COL22A1: variants seen among roughly 807,000 people sequenced by gnomAD.
COL22A1 encodes collagen alpha-1(XXII) chain.
A neutral mutation model predicts 248.9 loss-of-function variants in COL22A1; 221 were observed. The ratio of observed to expected loss-of-function variants is 0.89; its 90% confidence interval spans 0.80 to 0.99. COL22A1 has a LOEUF of 0.99. Among genes scored for constraint, COL22A1 ranks in the 50% least tolerant of loss-of-function variants. COL22A1 has a pLI of 0.00. For synonymous variants in COL22A1, 891 were observed against 793.4 expected (o/e 1.12, Z -2.07); for missense variants, 2,240 against 2,179.0 (o/e 1.03, Z -0.56).
chr8:138,626,445 C>T (rs1820245665), intron 50 of COL22A1, among the ~76,000 whole-genome samples: 1 of 152,232 alleles, frequency 6.6e-6, no homozygotes, highest in African/African-American at 2.4e-5. Flanking sequence ...ATAGCCACCC[C>T]TGTTGGTACA....
At chr8:138,679,412 G>T (rs1184940536) in intron 40 of COL22A1, among the ~76,000 whole-genome samples, 1 of 152,122 alleles carries the variant, frequency 6.6e-6, no homozygotes, top group African/African-American at 2.4e-5. Flanking sequence ...AACCTAGTTT[G>T]TATGCTTCCA....
chr8:138,775,891 G>C, intron 16 of COL22A1, 75 bp downstream of exon 16: 1 of 1,357,152 alleles, frequency 7.4e-7, no homozygotes, highest in Non-Finnish European at 1.1e-6. Flanking sequence ...AGCATACACA[G>C]AGCAGATGGT....
intron 62 of COL22A1, among the ~76,000 whole-genome samples, chr8:138,596,637 T>G (rs1257647043): frequency 6.6e-6 from 1 of 152,198 alleles, no homozygotes; most frequent in Non-Finnish European, 1.5e-5. Context: ...AATAAATGAT[T>G]GATCATAGCA....
At chr8:138,722,004 C>T (rs1184167887) in intron 26 of COL22A1, 32 bp downstream of exon 26, 11 of 1,548,320 alleles carry the variant, frequency 7.1e-6, no homozygotes, top group Admixed American at 1.9e-5. Context: ...TTTTGGGTTC[C>T]CAAACTGGTG....
intron 42 of COL22A1, 100 bp downstream of exon 42, chr8:138,663,605 G>A (rs974175637): frequency 8.9e-6 from 8 of 896,260 alleles, no homozygotes; most frequent in Non-Finnish European, 1.5e-5. Flanking sequence ...GGAAATTTCA[G>A]AATCTACTTC....
At position 138,877,873 on chromosome 8, in the gene COL22A1, C is replaced by G. The variant is rs779147504; in HGVS notation, c.535G>C (p.Glu179Gln). ...GIRIFAVGVG[E>Q]ALKEELEEIA... ...TCCTCCAGCTCCTCCTTGAGTGCCT[C>G]GCCCACGCCCACGGCAAAGATGCGG... is the stretch of plus-strand genomic sequence containing the variant. Residue 179 changes from glutamate (E) to glutamine (Q), a missense_variant, in exon 3 of 65, where the codon GAG becomes CAG. By Grantham distance (29) the Glu-to-Gln change is conservative (BLOSUM62 2). Coordinates refer to ENST00000303045, the MANE Select transcript of COL22A1 (RefSeq NM_152888.3). 2 of 1,612,940 alleles carry G rather than the reference C, an allele frequency of 1.2e-6. No individual in the cohort carries two copies. The highest frequency in any genetic ancestry group is 1.7e-6 in the Non-Finnish European group (2 of 1,179,630).
chr8:138,618,066 C>CCAA (rs576000030), intron 53 of COL22A1, among the ~76,000 whole-genome samples: 93 of 152,280 alleles, frequency 6.1e-4, no homozygotes, highest in African/African-American at 2.0e-3. Context: ...GACAAAAGCA[C>CCAA]CAACTGAGAG....
intron 62 of COL22A1, among the ~76,000 whole-genome samples, chr8:138,595,511 A>G (rs536816531): frequency 4.5e-4 from 68 of 152,204 alleles, no homozygotes; most frequent in Non-Finnish European, 8.5e-4. Context: ...TCAGAACACC[A>G]CCCACCCATG....
chr8:138,890,474 G>A (rs939130650), intron 1 of COL22A1, among the ~76,000 whole-genome samples: 6 of 151,982 alleles, frequency 3.9e-5, no homozygotes, highest in East Asian at 3.9e-4. Flanking sequence ...TTAGGGATGG[G>A]GATTCACTCT....
chr8:138,596,833 T>G (rs1382649829), intron 62 of COL22A1, 71 bp downstream of exon 62: 1 of 1,433,822 alleles, frequency 7.0e-7, no homozygotes, highest in Non-Finnish European at 9.8e-7. Flanking sequence ...TGCAAAAGCA[T>G]TCAAGGCTGA....
At position 138,725,358 on chromosome 8, in the gene COL22A1, C is replaced by A. The variant is rs778480496; in HGVS notation, c.2193+29G>T. ...AGGCCAGGAAACCACCATCTAAGAG[C>A]CCCTGTAGAAAATCAAAGCCAGTCT... On this transcript the variant is annotated intron_variant, in intron 24 of 64. Transcript: ENST00000303045. The A allele has an allele frequency of 3.7e-6, 6 of 1,611,296 alleles. No individual in the cohort carries two copies. In the South Asian group the frequency reaches 5.5e-5, roughly 15 times the overall value.
At chr8:138,862,042 AAAAAAG>A (rs1332018416) in intron 3 of COL22A1, among the ~76,000 whole-genome samples, 19 of 147,406 alleles carry the variant, frequency 1.3e-4, no homozygotes, top group South Asian at 1.1e-3. Flanking sequence ...AAAAAAAAAA[AAAAAAG>A]AAAAAAAGAA....
chr8:138,702,569 G>A (rs1314623006), intron 31 of COL22A1, among the ~76,000 whole-genome samples: 1 of 151,150 alleles, frequency 6.6e-6, no homozygotes, highest in Non-Finnish European at 1.5e-5. Context: ...GAAATCAGCT[G>A]GTCAAAACAG....
At chr8:138,657,967 T>C (rs552993153) in intron 44 of COL22A1, among the ~76,000 whole-genome samples, 2 of 152,262 alleles carry the variant, frequency 1.3e-5, no homozygotes, top group South Asian at 4.2e-4. Flanking sequence ...TACTGTTTTT[T>C]TCCCCTGTCA....
intron 22 of COL22A1, among the ~76,000 whole-genome samples, chr8:138,743,319 T>C (rs1218984142): frequency 1.3e-5 from 2 of 151,908 alleles, no homozygotes; most frequent in Non-Finnish European, 2.9e-5. Context: ...ATGAGGGTGA[T>C]GGTGGTAGTG....
At chr8:138,804,267 G>C (rs549353710) in intron 10 of COL22A1, among the ~76,000 whole-genome samples, 1 of 152,224 alleles carries the variant, frequency 6.6e-6, no homozygotes, top group African/African-American at 2.4e-5. Context: ...TTTGACTCAG[G>C]GTCCTAACCA....
intron 21 of COL22A1, 33 bp downstream of exon 21, chr8:138,755,124 G>A: frequency 6.2e-7 from 1 of 1,611,472 alleles, no homozygotes; most frequent in Non-Finnish European, 8.5e-7. Context: ...GAAGCGTGCA[G>A]AGCAAACCCT....
At chr8:138,796,937 G>A in intron 11 of COL22A1, 80 bp from the exon 12 acceptor site, 5 of 910,382 alleles carry the variant, frequency 5.5e-6, no homozygotes, top group Non-Finnish European at 9.3e-6. Context: ...ATCATCCCGA[G>A]ATTTGAAAGG....
intron 62 of COL22A1, 102 bp from the exon 63 acceptor site, chr8:138,594,301 C>G (rs1817342136): frequency 1.0e-6 from 1 of 974,656 alleles, no homozygotes; most frequent in Non-Finnish European, 1.5e-6. Context: ...CCGATAATAG[C>G]TGCAGAAACG....
Sources: gnomAD v4.1 joint callset for allele counts (sites outside exome capture counted in the v4.1 genomes callset) on GRCh38, gnomAD v4.1.1 for gene constraint, MANE v1.5 for transcripts, NCBI Gene and HGNC (gene_info 2026-07-23, HGNC 2026-07-21) for gene names.